Variants in HOOK3 observed in about 807,000 individuals in gnomAD.
HOOK3 encodes the protein protein Hook homolog 3.
HOOK3 carries 24 observed loss-of-function variants against 116.3 expected under a neutral mutation model. The observed-to-expected ratio is 0.21, with a 90% CI of 0.15 to 0.29. The LOEUF is 0.29. Ranked by LOEUF, HOOK3 falls within the 10% of genes least tolerant of loss-of-function variation. The pLI is 1.00. For synonymous variants in HOOK3, 275 were observed against 283.0 expected (o/e 0.97, Z 0.28); for missense variants, 632 against 830.2 (o/e 0.76, Z 2.93).
At chr8:42,939,489 AC>A (rs1808052306) in intron 4 of HOOK3, among the ~76,000 whole-genome samples, 1 of 132,496 alleles carries the variant, frequency 7.5e-6, no homozygotes, top group Non-Finnish European at 1.6e-5. Flanking sequence ...GGCGCCCCTC[AC>A]CTCCCGGACG....
chr8:42,928,903 G>T (rs1807820689), intron 3 of HOOK3, among the ~76,000 whole-genome samples: 1 of 151,828 alleles, frequency 6.6e-6, no homozygotes, highest in East Asian at 1.9e-4. Flanking sequence ...TTAGCCAGGT[G>T]TGGTGGCAGG....
chr8:42,918,292 C>G (rs560351531), intron 2 of HOOK3, among the ~76,000 whole-genome samples: 1 of 151,884 alleles, frequency 6.6e-6, no homozygotes, highest in African/African-American at 2.4e-5. Context: ...GAGCTGAGAT[C>G]GCACCATTGC....
chr8:42,935,268 T>A (rs929054210), intron 4 of HOOK3, among the ~76,000 whole-genome samples: 1 of 152,214 alleles, frequency 6.6e-6, no homozygotes, highest in African/African-American at 2.4e-5. Context: ...TTGTTTAAGT[T>A]CCTTGTGGAT....
At chr8:42,946,441 A>C (rs1648118) in intron 5 of HOOK3, among the ~76,000 whole-genome samples, 1 of 152,184 alleles carries the variant, frequency 6.6e-6, no homozygotes, top group Admixed American at 6.5e-5. Context: ...GGATGAAGGA[A>C]AATACGGCAG....
chr8:42,986,297 A>AT (rs150102169), intron 14 of HOOK3, among the ~76,000 whole-genome samples: 4,786 of 152,304 alleles, frequency 0.031, 112 homozygotes, highest in Middle Eastern at 0.058. Flanking sequence ...CAAATGATTG[A>AT]TAATTTAAGA....
intron 4 of HOOK3, among the ~76,000 whole-genome samples, chr8:42,939,023 A>G (rs1032315510): frequency 1.3e-5 from 2 of 152,296 alleles, no homozygotes; most frequent in Middle Eastern, 3.4e-3. Flanking sequence ...CAGAGAGCAC[A>G]GGGTTGGGGG....
intron 12 of HOOK3, among the ~76,000 whole-genome samples, chr8:42,973,652 C>T (rs753150662): frequency 1.1e-4 from 16 of 152,116 alleles, no homozygotes; most frequent in Non-Finnish European, 2.2e-4. Context: ...GCCTCCTTTA[C>T]GTTGTTCTGC....
chr8:42,932,382 A>C (rs927047084), intron 4 of HOOK3, among the ~76,000 whole-genome samples: 3 of 152,134 alleles, frequency 2.0e-5, no homozygotes, highest in Non-Finnish European at 4.4e-5. Flanking sequence ...TATTACGATA[A>C]AAAAGAATAG....
intron 4 of HOOK3, among the ~76,000 whole-genome samples, chr8:42,932,837 C>T (rs73635366): frequency 0.048 from 7,236 of 152,268 alleles, 348 homozygotes; most frequent in African/African-American, 0.12. Flanking sequence ...CACTGCCGTT[C>T]AGTGAGCCCA....
intron 3 of HOOK3, among the ~76,000 whole-genome samples, chr8:42,928,739 T>C (rs964767853): frequency 1.3e-5 from 2 of 152,164 alleles, no homozygotes; most frequent in Admixed American, 1.3e-4. Flanking sequence ...TATGATGCCA[T>C]TGATTAAAGA....
At chr8:42,953,262 A>G (rs1203001180) in intron 6 of HOOK3, among the ~76,000 whole-genome samples, 1 of 151,550 alleles carries the variant, frequency 6.6e-6, no homozygotes. Context: ...TCCTAAAAAA[A>G]AAAAAAAAAA....
chr8:43,006,401 G>A (rs1048560376), intron 17 of HOOK3, among the ~76,000 whole-genome samples: 24 of 151,808 alleles, frequency 1.6e-4, no homozygotes, highest in African/African-American at 4.8e-4. Context: ...TGCAACCTCC[G>A]CCTCCCAGGT....
rs767939723 is a variant in HOOK3, at chr8:43,026,297, A to T, written c.*7799A>T. 7 of 193,132 alleles carry T rather than the reference A, an allele frequency of 3.6e-5. No homozygotes were observed. Among genetic ancestry groups the T allele is most frequent in the Non-Finnish European group, 6.5e-5 (6 of 92,640 alleles). 12.0% of individuals were successfully genotyped at this position (193,132 alleles called of 1,614,324 possible). On this transcript the variant is annotated 3_prime_UTR_variant, in exon 22 of 22. Transcript: ENST00000307602. ...TTTATATAGTATCTTAATATTATTT[A>T]CTGTTACTTCTAGTCATTTATGTAG...
At chr8:42,953,812 A>G (rs1193469598) in intron 6 of HOOK3, among the ~76,000 whole-genome samples, 3 of 152,168 alleles carry the variant, frequency 2.0e-5, no homozygotes, top group African/African-American at 4.8e-5. Context: ...TGTGAGGTGT[A>G]TATTATTGTC....
At chr8:42,973,159 TA>T in intron 11 of HOOK3, 129 bp from the exon 12 acceptor site, 3 of 991,566 alleles carry the variant, frequency 3.0e-6, no homozygotes, top group Non-Finnish European at 4.3e-6. Flanking sequence ...TCCACTGTGT[TA>T]GACTGCTGGA....
At chr8:42,920,624 G>A (rs890175114) in intron 2 of HOOK3, among the ~76,000 whole-genome samples, 3 of 152,146 alleles carry the variant, frequency 2.0e-5, no homozygotes, top group African/African-American at 7.2e-5. Context: ...TTGTGACCTA[G>A]TTTACAGAGT....
chr8:42,981,405 A>G (rs1011511821), intron 13 of HOOK3, among the ~76,000 whole-genome samples: 2 of 152,158 alleles, frequency 1.3e-5, no homozygotes, highest in African/African-American at 4.8e-5. Context: ...GTTATAAGCA[A>G]CAGAAAAAGG....
chr8:42,917,375 C>T (rs1807552521), intron 2 of HOOK3, among the ~76,000 whole-genome samples: 1 of 152,190 alleles, frequency 6.6e-6, no homozygotes, highest in South Asian at 2.1e-4. Flanking sequence ...AGCTCAGTCT[C>T]CGGTACCTCT....
chr8:43,017,659 G>C (rs142035423), intron 21 of HOOK3, among the ~76,000 whole-genome samples: 2 of 152,268 alleles, frequency 1.3e-5, no homozygotes, highest in Non-Finnish European at 2.9e-5. Context: ...TCTGCCTTTA[G>C]TAAGTAGTGT....
Sources: allele counts gnomAD v4.1 joint callset (sites outside exome capture counted in the v4.1 genomes callset), GRCh38; gene constraint gnomAD v4.1.1; transcripts MANE v1.5; gene names NCBI Gene and HGNC (gene_info 2026-07-23, HGNC 2026-07-21).